The following MCFD2 variants were observed in gnomAD, a reference collection of about 807,000 sequenced individuals.
MCFD2 encodes multiple coagulation factor deficiency 2, ER cargo receptor complex subunit, also known as multiple coagulation factor deficiency protein 2.
Under a neutral mutation model 12.8 loss-of-function variants are expected in MCFD2, and 11 were observed. The ratio of observed to expected loss-of-function variants is 0.86; its 90% CI spans 0.54 to 1.42. MCFD2 has a LOEUF of 1.42. MCFD2 is among the 40% of genes most tolerant of loss of function. The pLI, the probability that MCFD2 is intolerant of heterozygous loss-of-function variation, is 0.00. For synonymous variants in MCFD2, 70 were observed against 68.1 expected (o/e 1.03, Z -0.14); for missense variants, 191 against 178.6 (o/e 1.07, Z -0.40).
intron 1 of MCFD2, among the ~76,000 whole-genome samples, chr2:46,922,959 C>T (rs1669182703): frequency 6.6e-6 from 1 of 152,186 alleles, no homozygotes; most frequent in Non-Finnish European, 1.5e-5. Context: ...ATGGATTTCC[C>T]AAGACCCCCT....
intron 1 of MCFD2, 54 bp from the exon 2 acceptor site, chr2:46,909,231 G>T: frequency 1.3e-6 from 2 of 1,567,732 alleles, no homozygotes; most frequent in Non-Finnish European, 1.7e-6. Context: ...CAAAGGTTTC[G>T]TTCAGGGCTT....
chr2:46,930,684 G>C (rs1669652136), intron 1 of MCFD2, among the ~76,000 whole-genome samples: 1 of 152,010 alleles, frequency 6.6e-6, no homozygotes, highest in South Asian at 2.1e-4. Context: ...ATTTCTAGTA[G>C]AGACAGGGTT....
chr2:46,923,208 T>C (rs1397768877), intron 1 of MCFD2, among the ~76,000 whole-genome samples: 1 of 152,188 alleles, frequency 6.6e-6, no homozygotes, highest in Non-Finnish European at 1.5e-5. Context: ...TTATGGAGGC[T>C]TTATTACATA....
intron 1 of MCFD2, among the ~76,000 whole-genome samples, chr2:46,930,497 ATT>A (rs575100979): frequency 8.0e-4 from 106 of 132,018 alleles, no homozygotes; most frequent in African/African-American, 2.3e-3. Context: ...AAGTCCTATA[ATT>A]TTTTTTTTTT....
chr2:46,933,424 A>C (rs1669814077), intron 1 of MCFD2, among the ~76,000 whole-genome samples: 1 of 152,264 alleles, frequency 6.6e-6, no homozygotes, highest in Non-Finnish European at 1.5e-5. Context: ...AAGCACAAAG[A>C]ATTCATGATT....
At chr2:46,939,547 C>G (rs536655073) in intron 1 of MCFD2, among the ~76,000 whole-genome samples, 1 of 152,344 alleles carries the variant, frequency 6.6e-6, no homozygotes, top group East Asian at 1.9e-4. Context: ...GTGATTCCCT[C>G]TACAGTTAGT....
Position 46,907,232 on chromosome 2 carries a change from TG to T in MCFD2, c.309+577del, listed in dbSNP as rs1315623468. On this transcript the variant is annotated intron_variant, in intron 3 of 3. Coordinates refer to ENST00000319466, the MANE Select transcript of MCFD2 (RefSeq NM_139279.6). This position sits in a 1 kb window ranked among gnomAD's most constrained non-coding sequence, Gnocchi z 4.1. ...CTTTTAGGCACTGATTCTCATACTC[TG>T]GTGTGTAACAGAAATGCCTGTAGCA... 3 of 168,872 alleles carry T rather than the reference TG, an allele frequency of 1.8e-5. No homozygotes were observed. Among genetic ancestry groups the T allele is most frequent in the African/African-American group, 7.2e-5 (3 of 41,584 alleles). The allele number at this position is 168,872 out of a possible 1,614,324, so 10.5% of individuals were successfully genotyped here.
intron 3 of MCFD2, chr2:46,905,959 G>T (rs1266779540): frequency 2.1e-6 from 1 of 475,922 alleles, no homozygotes; most frequent in East Asian, 6.8e-5. Flanking sequence ...TCCTCCTGAG[G>T]GTCAGCTCTG....
At position 46,937,627 on chromosome 2, in the gene MCFD2, AG is replaced by A. The variant is rs1321893270; in HGVS notation, c.-8+3944del. On this transcript the variant is annotated intron_variant, in intron 1 of 2. Transcript: ENST00000409147. The surrounding 1 kb of genome is among the most constrained non-coding windows in gnomAD (Gnocchi z 4.0). ...GATTTTTTATTTATTTTGTAGAGAC[AG>A]GGTCTCACTAGATTGTCCAGGCTGG... is the stretch of plus-strand genomic sequence containing the variant. Among the ~76,000 whole-genome samples the A allele has an allele frequency of 2.0e-5, 3 of 152,240 alleles. No homozygotes were observed. Among genetic ancestry groups the A allele is most frequent in the African/African-American group, 7.2e-5 (3 of 41,464 alleles).
At position 46,940,512 on chromosome 2, in the gene MCFD2, C is replaced by A. The variant is rs1037444691; in HGVS notation, c.-8+1060G>T. ...GGCACCCCACAGCCCTGGGCTAAAC[C>A]CTGCTAAGCACTCCATAGAGCTTTG... On this transcript the variant is annotated intron_variant, in intron 1 of 2. Coordinates refer to the MCFD2 transcript ENST00000409147. The surrounding 1 kb of genome is among the most constrained non-coding windows in gnomAD (Gnocchi z 4.7). Among the ~76,000 whole-genome samples, 9 of 152,182 alleles carry A rather than the reference C, an allele frequency of 5.9e-5. No individual in the cohort carries two copies. Among genetic ancestry groups the A allele is most frequent in the Admixed American group, 3.3e-4 (5 of 15,284 alleles).
upstream of MCFD2, among the ~76,000 whole-genome samples, chr2:46,917,440 C>G (rs1668869448): frequency 6.6e-6 from 1 of 152,178 alleles, no homozygotes; most frequent in Admixed American, 6.5e-5. Flanking sequence ...ATTCATCCAC[C>G]CCTCCCTTTG....
upstream of MCFD2, among the ~76,000 whole-genome samples, chr2:46,918,411 G>T (rs1158736734): frequency 6.6e-6 from 1 of 152,196 alleles, no homozygotes; most frequent in Admixed American, 6.5e-5. Flanking sequence ...CTACTTGAGA[G>T]AGAGCTTCCT....
chr2:46,928,453 G>A lies in MCFD2; in HGVS notation c.-8+13119C>T, dbSNP rs1344643796. 2.2e-5 allele frequency among the ~76,000 whole-genome samples: 3 copies of A among 138,084 alleles called. No homozygotes were observed. The East Asian group carries it at 6.1e-4, about 28-fold the overall frequency. 90.6% of individuals were successfully genotyped at this position (138,084 alleles called of 152,430 possible). On this transcript the variant is annotated intron_variant, in intron 1 of 2. Transcript: ENST00000409147. Reference sequence around the variant, plus strand: ...TCTTTCAAGCTCAGGTGGTGGAAAGGGAAATTAAAAAAAAAAAAAAAAAAA... The same window carrying A: ...TCTTTCAAGCTCAGGTGGTGGAAAGAGAAATTAAAAAAAAAAAAAAAAAAA...
intron 1 of MCFD2, among the ~76,000 whole-genome samples, chr2:46,935,243 G>T (rs1397860403): frequency 2.0e-5 from 3 of 152,100 alleles, no homozygotes; most frequent in African/African-American, 7.2e-5. Context: ...CATTACAAAT[G>T]TGAGCCATGA....
At position 46,937,217 on chromosome 2, in the gene MCFD2, A is replaced by T. The variant is rs950769342; in HGVS notation, c.-8+4355T>A. On this transcript the variant is annotated intron_variant, in intron 1 of 2. Transcript: ENST00000409147. The surrounding 1 kb of genome is among the most constrained non-coding windows in gnomAD (Gnocchi z 4.0). ...GCAAAATAAAAAGCTGAACTACTTA[A>T]AACTATCTTTTAGACCTCCCCTGCC... Among the ~76,000 whole-genome samples, 1 of 152,054 alleles carries T rather than the reference A, an allele frequency of 6.6e-6. No individual in the cohort carries two copies. The highest frequency in any genetic ancestry group is 2.4e-5 in the African/African-American group (1 of 41,394).
rs201555721 is a variant in MCFD2, at chr2:46,938,848, TAAA to T, written c.-8+2721_-8+2723del. Among the ~76,000 whole-genome samples the T allele has an allele frequency of 9.0e-3, 1,365 of 151,718 alleles. 48 individuals carry two copies. The highest frequency in any genetic ancestry group is 0.075 in the East Asian group (385 of 5,134). On this transcript the variant is annotated intron_variant, in intron 1 of 2. Transcript: ENST00000409147. ...CCAACATAGTGAAACCCGTCTCTAC[TAAA>T]AATACAAAAATTAGCTGAGCATGGT...
intron 1 of MCFD2, among the ~76,000 whole-genome samples, chr2:46,915,084 TGAA>T (rs577306820): frequency 6.6e-6 from 1 of 152,128 alleles, no homozygotes; most frequent in South Asian, 2.1e-4. Context: ...CTACAGAGGA[TGAA>T]GAAGAGATGC....
At chr2:46,935,240 A>G (rs769895325) in intron 1 of MCFD2, among the ~76,000 whole-genome samples, 78 of 151,878 alleles carry the variant, frequency 5.1e-4, no homozygotes, top group Non-Finnish European at 4.4e-4. Flanking sequence ...GCTCATTACA[A>G]ATGTGAGCCA....
rs545542737 is a variant in MCFD2 at position 46,941,381 on chromosome 2, G to T, written c.-8+191C>A. On this transcript the variant is annotated intron_variant, in intron 1 of 2. Coordinates refer to the MCFD2 transcript ENST00000409147. This position sits in a 1 kb window ranked among gnomAD's most constrained non-coding sequence, Gnocchi z 4.2. ...AGCTGCTGGTGCTGCTGCTGCTGCT[G>T]CTGCCCACCCTCCGCCGCCCGGGCC... 1.8e-5 allele frequency: 9 copies of T among 494,458 alleles called. No homozygotes were observed. The highest frequency in any genetic ancestry group is 1.4e-4 in the African/African-American group (7 of 48,916). The allele number at this position is 494,458 out of a possible 1,614,324, so 30.6% of individuals were successfully genotyped here. A position where few individuals can be genotyped will look rare whatever the true frequency, so the allele number is the denominator to read the frequency against.
Sources: gnomAD v4.1 joint callset for allele counts (sites outside exome capture counted in the v4.1 genomes callset) on GRCh38, gnomAD v4.1.1 for gene constraint, Gnocchi (gnomAD v3.1) non-coding constraint, MANE v1.5 for transcripts, NCBI Gene and HGNC (gene_info 2026-07-23, HGNC 2026-07-21) for gene names.